PRKN: variants seen among roughly 807,000 people sequenced by gnomAD.
PRKN encodes E3 ubiquitin-protein ligase parkin.
A neutral mutation model predicts 59.5 loss-of-function variants in PRKN; 56 were observed. The observed-to-expected ratio is 0.94, with a 90% CI of 0.76 to 1.18. PRKN has a LOEUF of 1.18. Among genes scored for constraint, PRKN ranks in the 50% most tolerant of loss-of-function variants. The pLI, the probability that PRKN is intolerant of heterozygous loss-of-function variation, is 0.00. For missense variants in PRKN, 657 were observed against 596.4 expected (o/e 1.10, Z -1.06); for synonymous variants, 250 against 222.1 (o/e 1.13, Z -1.12).
intron 1 of PRKN, among the ~76,000 whole-genome samples, chr6:162,473,624 C>A (rs577821814): frequency 6.6e-6 from 1 of 152,152 alleles, no homozygotes; most frequent in East Asian, 1.9e-4. Context: ...AACAAATAAT[C>A]AATATAGGAG....
chr6:162,051,821 G>A (rs1414634638), intron 5 of PRKN, among the ~76,000 whole-genome samples: 1 of 152,200 alleles, frequency 6.6e-6, no homozygotes, highest in East Asian at 1.9e-4. Flanking sequence ...CCTGTGCACA[G>A]AACTGGCCTA....
At chr6:162,216,401 G>T (rs1292762253) in intron 3 of PRKN, among the ~76,000 whole-genome samples, 1 of 151,000 alleles carries the variant, frequency 6.6e-6, no homozygotes, top group Non-Finnish European at 1.5e-5. Context: ...GCGGTGGCGG[G>T]CGCCTGTAGT....
At chr6:161,441,976 C>G (rs941866696) in intron 9 of PRKN, among the ~76,000 whole-genome samples, 3 of 152,196 alleles carry the variant, frequency 2.0e-5, no homozygotes, top group African/African-American at 7.2e-5. Flanking sequence ...ATCAGCCCAG[C>G]AAGCAGGGAG....
At chr6:162,539,072 C>T (rs1385869392) in intron 1 of PRKN, among the ~76,000 whole-genome samples, 6 of 152,096 alleles carry the variant, frequency 3.9e-5, no homozygotes, top group African/African-American at 1.2e-4. Flanking sequence ...TAAACAGGAG[C>T]ATCAGTAAAA....
chr6:162,662,796 A>G (rs1469511820), intron 1 of PRKN, among the ~76,000 whole-genome samples: 1 of 152,122 alleles, frequency 6.6e-6, no homozygotes, highest in Middle Eastern at 3.2e-3. Flanking sequence ...GTATTTTTAT[A>G]CCAGTATGAT....
rs190119806 is a variant in PRKN at position 161,758,490 on chromosome 6, C to T, written c.871+27282G>A. Among the ~76,000 whole-genome samples the T allele has an allele frequency of 1.7e-3, 259 of 152,198 alleles. 2 individuals carry two copies. Among genetic ancestry groups the T allele is most frequent in the Middle Eastern group, 0.01 (3 of 294 alleles). On this transcript the variant is annotated intron_variant, in intron 7 of 11. Transcript: ENST00000366898. ...CTACAAAAAGAGAGTACATACTCTA[C>T]GGTAGCATTTATATACAATTCTAGA...
chr6:161,849,285 G>T (rs886321862), intron 6 of PRKN, among the ~76,000 whole-genome samples: 1 of 152,076 alleles, frequency 6.6e-6, no homozygotes, highest in Admixed American at 6.5e-5. Flanking sequence ...TGGTTTTGTT[G>T]TACCTGCCAA....
At chr6:162,535,907 CAA>C (rs71544936) in intron 1 of PRKN, among the ~76,000 whole-genome samples, 41 of 110,282 alleles carry the variant, frequency 3.7e-4, no homozygotes, top group Non-Finnish European at 3.2e-4. Context: ...GACCCTGTCT[CAA>C]AAAAAAAAAA....
chr6:162,616,534 C>T (rs916882025), intron 1 of PRKN, among the ~76,000 whole-genome samples: 4 of 151,952 alleles, frequency 2.6e-5, no homozygotes, highest in Admixed American at 6.6e-5. Flanking sequence ...ACAATGATAC[C>T]CCCCCGTAAT....
intron 2 of PRKN, among the ~76,000 whole-genome samples, chr6:162,389,748 G>A (rs1343849051): frequency 6.6e-6 from 1 of 152,204 alleles, no homozygotes; most frequent in East Asian, 1.9e-4. Context: ...CTTCTAATAA[G>A]TGGTAAAGCT....
At chr6:162,463,914 A>G (rs1893116) in intron 1 of PRKN, among the ~76,000 whole-genome samples, 100,197 of 152,044 alleles carry the variant, frequency 0.66, 33,452 homozygotes, top group African/African-American at 0.76. Flanking sequence ...TACTCTCTGA[A>G]GCTGTTATTT....
At chr6:162,155,329 A>G (rs1001855787) in intron 4 of PRKN, among the ~76,000 whole-genome samples, 6 of 152,200 alleles carry the variant, frequency 3.9e-5, no homozygotes, top group Non-Finnish European at 8.8e-5. Context: ...TAATTTAAAT[A>G]ATCAAGTAAG....
chr6:161,875,527 C>G (rs1794702728), intron 6 of PRKN, among the ~76,000 whole-genome samples: 1 of 152,026 alleles, frequency 6.6e-6, no homozygotes, highest in African/African-American at 2.4e-5. Context: ...CACCTGTCAA[C>G]TGCTGAAACT....
At chr6:162,181,582 G>T (rs4709579) in intron 4 of PRKN, among the ~76,000 whole-genome samples, 79,447 of 151,992 alleles carry the variant, frequency 0.52, 21,654 homozygotes, top group Non-Finnish European at 0.61. Flanking sequence ...TTGATACAGT[G>T]TTGTACAAGA....
intron 7 of PRKN, among the ~76,000 whole-genome samples, chr6:161,644,163 A>C (rs376791392): frequency 1.1e-4 from 17 of 152,182 alleles, no homozygotes; most frequent in East Asian, 9.6e-4. Context: ...GTGAGCAATG[A>C]GGGATGCTTG....
chr6:161,739,126 G>A (rs12206142), intron 7 of PRKN, among the ~76,000 whole-genome samples: 5,138 of 152,180 alleles, frequency 0.034, 102 homozygotes, highest in Non-Finnish European at 0.038. Context: ...GGGGCAGGGC[G>A]GCCAGGTGCA....
intron 2 of PRKN, among the ~76,000 whole-genome samples, chr6:162,333,428 T>G (rs1318286520): frequency 6.6e-6 from 1 of 152,132 alleles, no homozygotes; most frequent in Non-Finnish European, 1.5e-5. Flanking sequence ...TCACTTCATG[T>G]CTCTGCATCA....
chr6:161,803,702 A>G (rs1380786841), intron 6 of PRKN, among the ~76,000 whole-genome samples: 7 of 152,212 alleles, frequency 4.6e-5, no homozygotes, highest in Admixed American at 3.9e-4. Context: ...CCTTCTGTAC[A>G]GTTACCGATT....
intron 6 of PRKN, among the ~76,000 whole-genome samples, chr6:161,935,481 G>A (rs1243249441): frequency 6.6e-6 from 1 of 150,682 alleles, no homozygotes. Flanking sequence ...TTAAGCCGGG[G>A]AAGTTGAGGC....
Sources: gnomAD v4.1 joint callset for allele counts (sites outside exome capture counted in the v4.1 genomes callset) on GRCh38, gnomAD v4.1.1 for gene constraint, MANE v1.5 for transcripts, NCBI Gene and HGNC (gene_info 2026-07-23, HGNC 2026-07-21) for gene names.